Variants in MMP7 observed in about 807,000 individuals in gnomAD.
MMP7 encodes the protein matrix metallopeptidase 7, also known as matrilysin.
In MMP7, 26 loss-of-function variants were observed where a neutral mutation model predicts 31.5. The observed-to-expected ratio is 0.83, with a 90% CI of 0.61 to 1.15. The LOEUF (loss-of-function observed/expected upper bound fraction) is 1.15, where lower values mean the gene tolerates loss of function less well. Among genes scored for constraint, MMP7 ranks in the 50% most tolerant of loss-of-function variants. The pLI is 0.00. For synonymous variants in MMP7, 142 were observed against 124.2 expected (o/e 1.14, Z -0.95); for missense variants, 367 against 326.5 (o/e 1.12, Z -0.96).
At chr11:102,520,903 C>G (rs1479313516) in intron 5 of MMP7, 99 bp from the exon 6 acceptor site, 2 of 754,906 alleles carry the variant, frequency 2.6e-6, no homozygotes, top group Non-Finnish European at 2.1e-6. Context: ...AAAGTATAAT[C>G]TATTATTCAC....
intron 5 of MMP7, among the ~76,000 whole-genome samples, chr11:102,521,340 G>A (rs1452068233): frequency 6.6e-6 from 1 of 152,130 alleles, no homozygotes; most frequent in Admixed American, 6.5e-5. Flanking sequence ...TGGGACTACA[G>A]ACATGCACCT....
Position 102,527,790 on chromosome 11 carries a change from C to G in MMP7, c.302G>C (p.Ser101Thr). The G allele has an allele frequency of 1.2e-6, 2 of 1,614,126 alleles. No individual in the cohort carries two copies. The highest frequency in any genetic ancestry group is 2.2e-5 in the East Asian group (1 of 44,876). The change falls in exon 2 of 6, where the codon AGC becomes ACC. Residue 101 changes from serine to threonine, a missense_variant. Transcript: ENST00000260227. Reference protein sequence around the residue: ...DVAEYSLFPNSPKWTSKVVTY... With the variant: ...DVAEYSLFPNTPKWTSKVVTY... ...GACCACTTTGGAAGTCCATTTTGGG[C>G]TATTTGGAAATAGTGAGTATTCTGC...
In MMP7 at chr11:102,521,423, G is replaced by A. The variant is rs939635486; in HGVS notation, c.776-619C>T. 5.3e-5 allele frequency among the ~76,000 whole-genome samples: 8 copies of A among 152,208 alleles called. No homozygotes were observed. The East Asian group carries it at 1.5e-3, about 29-fold the overall frequency. ...ATGTTGTCCAGGTCTCGAGCTCCTG[G>A]CCTCAAGCGATCCCCAACCACCTTG... On this transcript the variant is annotated intron_variant, in intron 5 of 5. Coordinates refer to ENST00000260227, the MANE Select transcript of MMP7 (RefSeq NM_002423.5).
At position 102,530,638 on chromosome 11, in the gene MMP7, AG is replaced by A; in HGVS notation, c.62del (p.Pro21LeufsTer7). ...LLPGSLALPL[P>X]QEAGGMSELQ... ...GCTCACTCATGCCTCCCGCCTCCTG[AG>A]GCAGCGGCAGGGCCAGGCTGCCAGG... On this transcript the variant is annotated frameshift_variant, in exon 1 of 6. Transcript: ENST00000260227. LOFTEE classifies it high-confidence loss of function. 6.2e-7 allele frequency: 1 copy of A among 1,614,038 alleles called. No homozygotes were observed. The highest frequency in any genetic ancestry group is 8.5e-7 in the Non-Finnish European group (1 of 1,179,944).
Position 102,527,906 on chromosome 11 carries a change from C to T in MMP7, c.186G>A (p.Met62Ile). 8.1e-6 allele frequency: 13 copies of T among 1,614,104 alleles called. No homozygotes were observed. The highest frequency in any genetic ancestry group is 1.1e-5 in the Non-Finnish European group (13 of 1,180,002). Residue 62 changes from methionine to isoleucine, a missense_variant, in exon 2 of 6, where the codon ATG (methionine) becomes ATA (isoleucine). By Grantham distance (10) the Met-to-Ile change is conservative (BLOSUM62 1). Coordinates refer to ENST00000260227, the MANE Select transcript of MMP7 (RefSeq NM_002423.5). ...ANSLEAKLKE[M>I]QKFFGLPITG... ...TTATAGGTAGGCCAAAGAATTTTTG[C>T]ATCTCCTTGAGTTTGGCTTCTAAAC...
chr11:102,523,433 T>C (rs1555069029), intron 4 of MMP7, 32 bp from the exon 5 acceptor site: 39 of 1,519,000 alleles, frequency 2.6e-5, no homozygotes, highest in Non-Finnish European at 3.5e-5. Flanking sequence ...ACAGTAATGA[T>C]AAAAATAGCT....
rs775134235 is a variant in MMP7, at chr11:102,530,569, CTAAG to C, written c.108+20_108+23del. 6 of 1,573,176 alleles carry C rather than the reference CTAAG, an allele frequency of 3.8e-6. No homozygotes were observed. In the East Asian group the frequency reaches 1.1e-4, roughly 29 times the overall value. ...ATGCAGATGGCAAAAGAATGGAACC[CTAAG>C]TAAGTGGGCTGTGACATACCTGAGC... On this transcript the variant is annotated intron_variant, in intron 1 of 5. Coordinates refer to ENST00000260227, the MANE Select transcript of MMP7 (RefSeq NM_002423.5).
At chr11:102,527,726 T>C in intron 2 of MMP7, 31 bp downstream of exon 2, 1 of 1,613,702 alleles carries the variant, frequency 6.2e-7, no homozygotes, top group Non-Finnish European at 8.5e-7. Flanking sequence ...GCTTTATTGT[T>C]TTTGCCAAAA....
In MMP7 at chr11:102,520,722, C is replaced by A; in HGVS notation, c.*54G>T. On this transcript the variant is annotated 3_prime_UTR_variant, in exon 6 of 6. Transcript: ENST00000260227. The stretch of plus-strand genomic sequence containing the variant: ...ACAGTGCTTATCAATTCTGATTGTG[C>A]AACAATGATATACAATCCAATGAAT... The A allele has an allele frequency of 7.1e-7, 1 of 1,400,710 alleles. No individual in the cohort carries two copies. The highest frequency in any genetic ancestry group is 1.9e-5 in the Admixed American group (1 of 53,252). 86.8% of individuals were successfully genotyped at this position (1,400,710 alleles called of 1,614,324 possible). A position where few individuals can be genotyped will look rare whatever the true frequency, so the allele number is the denominator to read the frequency against.
intron 4 of MMP7, chr11:102,524,368 A>T (rs1858645701): frequency 6.6e-6 from 1 of 152,194 alleles, no homozygotes; most frequent in African/African-American, 2.4e-5. Flanking sequence ...ATGTGCCTAT[A>T]ATATCCTACT....
chr11:102,521,486 G>A (rs1340723252), intron 5 of MMP7, among the ~76,000 whole-genome samples: 7 of 152,126 alleles, frequency 4.6e-5, no homozygotes, highest in South Asian at 2.1e-4. Context: ...GAGCCACCGC[G>A]CCCAGCCAGC....
Position 102,520,592 on chromosome 11 carries a change from G to A in MMP7, c.*184C>T, listed in dbSNP as rs1194355368. On this transcript the variant is annotated 3_prime_UTR_variant, in exon 6 of 6. Transcript: ENST00000260227. ...ACCCACTGCAAGTATAGATGAATAA[G>A]ACACAGTCACACCATAAAGGAGTTT... 5 of 515,102 alleles carry A rather than the reference G, an allele frequency of 9.7e-6. No individual in the cohort carries two copies. Among genetic ancestry groups the A allele is most frequent in the African/African-American group, 3.8e-5 (2 of 52,348 alleles). The allele number at this position is 515,102 out of a possible 1,614,324, so 31.9% of individuals were successfully genotyped here.
chr11:102,527,645 C>T lies in MMP7; in HGVS notation c.363G>A (p.Pro121=), dbSNP rs149640505. The stretch of plus-strand genomic sequence containing the variant: ...ACACTAATCGATCCACTGTAATATG[C>T]GGTAAGTCTCGAGTATATGATACGA... The part of the protein sequence containing the change: ...YRIVSYTRDL[P]HITVDRLVSK... Residue 121 remains proline, a synonymous_variant, in exon 3 of 6, where the codon CCG becomes CCA. Transcript: ENST00000260227. The T allele has an allele frequency of 2.7e-4, 438 of 1,614,044 alleles. 2 individuals are homozygous for T. In the African/African-American group the frequency reaches 3.7e-3, roughly 14 times the overall value.
chr11:102,521,438 C>T (rs1012368434), intron 5 of MMP7, among the ~76,000 whole-genome samples: 1 of 152,186 alleles, frequency 6.6e-6, no homozygotes, highest in Admixed American at 6.5e-5. Context: ...AAGCGATCCC[C>T]AACCACCTTG....
chr11:102,529,787 C>CG (rs1858711607), intron 1 of MMP7, among the ~76,000 whole-genome samples: 1 of 152,086 alleles, frequency 6.6e-6, no homozygotes, highest in Non-Finnish European at 1.5e-5. Context: ...ATTTTTGAAC[C>CG]AGAAGCACTT....
Position 102,526,214 on chromosome 11 carries a change from T to TAAA in MMP7, c.485-1153_485-1151dup, listed in dbSNP as rs10565156. Among the ~76,000 whole-genome samples, 776 of 123,992 alleles carry TAAA rather than the reference T, an allele frequency of 6.3e-3. 14 individuals are homozygous for TAAA. Among genetic ancestry groups the TAAA allele is most frequent in the African/African-American group, 0.024 (729 of 30,618 alleles). 81.3% of individuals were successfully genotyped at this position (123,992 alleles called of 152,430 possible). A position where few individuals can be genotyped will look rare whatever the true frequency, so the allele number is the denominator to read the frequency against. ...GGTTTTACATATAGAAAAACCCACGTAAAAAAAAAAAATATATATATATAT... is the reference window on the plus strand; with the variant it reads ...GGTTTTACATATAGAAAAACCCACGTAAAAAAAAAAAAAAATATATATATATAT... On this transcript the variant is annotated intron_variant, in intron 3 of 5. Transcript: ENST00000260227.
chr11:102,521,859 T>G (rs1489362641), intron 5 of MMP7, among the ~76,000 whole-genome samples: 1 of 152,206 alleles, frequency 6.6e-6, no homozygotes, highest in Non-Finnish European at 1.5e-5. Flanking sequence ...GATAGTATTT[T>G]CAGTTTTGTT....
Position 102,525,777 on chromosome 11 carries a change from T to C in MMP7, c.485-713A>G, listed in dbSNP as rs557836698. ...CCATTTCATAGGTTTTTTTTTTTTT[T>C]TTTCTTAAAAACCTAGCTTATTCTT... On this transcript the variant is annotated intron_variant, in intron 3 of 5. Transcript: ENST00000260227. Among the ~76,000 whole-genome samples, 42 of 151,880 alleles carry C rather than the reference T, an allele frequency of 2.8e-4. No individual in the cohort carries two copies. The East Asian group carries it at 7.1e-3, about 26-fold the overall frequency.
chr11:102,530,581 G>A lies in MMP7; in HGVS notation c.108+12C>T, dbSNP rs772479947. The A allele has an allele frequency of 1.1e-5, 17 of 1,601,492 alleles. No homozygotes were observed. The highest frequency in any genetic ancestry group is 1.7e-6 in the Non-Finnish European group (2 of 1,168,708). On this transcript the variant is annotated intron_variant, in intron 1 of 5. Coordinates refer to ENST00000260227, the MANE Select transcript of MMP7 (RefSeq NM_002423.5). The stretch of plus-strand genomic sequence containing the variant: ...AAAGAATGGAACCCTAAGTAAGTGG[G>A]CTGTGACATACCTGAGCCTGTTCCC...
Sources: allele counts gnomAD v4.1 joint callset (sites outside exome capture counted in the v4.1 genomes callset), GRCh38; gene constraint gnomAD v4.1.1; transcripts MANE v1.5; gene names NCBI Gene and HGNC (gene_info 2026-07-23, HGNC 2026-07-21).